TEX36: variants seen among roughly 807,000 people sequenced by gnomAD.
TEX36 encodes testis-expressed protein 36.
TEX36 carries 12 observed loss-of-function variants against 13.6 expected under a neutral mutation model. That is an observed-to-expected ratio of 0.88 (90% CI 0.56 to 1.43). The LOEUF (loss-of-function observed/expected upper bound fraction) is 1.43, where lower values mean the gene tolerates loss of function less well. TEX36 is among the 40% of genes most tolerant of loss of function. The pLI is 0.00. For missense variants in TEX36, 224 were observed against 228.3 expected (o/e 0.98, Z 0.12); for synonymous variants, 93 against 83.0 (o/e 1.12, Z -0.65).
intron 3 of TEX36, among the ~76,000 whole-genome samples, chr10:125,635,053 C>T (rs560636775): frequency 2.2e-3 from 340 of 152,300 alleles, no homozygotes; most frequent in African/African-American, 7.8e-3. Context: ...CCACACCAGA[C>T]GCATTGCCAA....
downstream of TEX36, among the ~76,000 whole-genome samples, chr10:125,652,037 G>A (rs1846867986): frequency 6.6e-6 from 1 of 152,178 alleles, no homozygotes; most frequent in Admixed American, 6.5e-5. Flanking sequence ...TGGATAGGAA[G>A]AATCAATATT....
At chr10:125,642,493 C>T (rs574673658) in intron 3 of TEX36, among the ~76,000 whole-genome samples, 11 of 152,106 alleles carry the variant, frequency 7.2e-5, no homozygotes, top group East Asian at 1.9e-4. Context: ...ATTTAAGATG[C>T]GTGAAACATC....
chr10:125,643,873 C>T (rs1846726679), intron 3 of TEX36, among the ~76,000 whole-genome samples: 1 of 152,114 alleles, frequency 6.6e-6, no homozygotes, highest in Non-Finnish European at 1.5e-5. Context: ...GATGGTGCCA[C>T]CGCACTCCAG....
intron 3 of TEX36, among the ~76,000 whole-genome samples, chr10:125,608,965 C>A (rs1329638543): frequency 7.4e-6 from 1 of 135,564 alleles, no homozygotes; most frequent in African/African-American, 2.9e-5. Flanking sequence ...TGAAACCCCA[C>A]CTCTACTAAA....
chr10:125,646,670 T>C lies in TEX36; in HGVS notation c.264+14351A>G, dbSNP rs1027984092. Among the ~76,000 whole-genome samples, 36 of 152,138 alleles carry C rather than the reference T, an allele frequency of 2.4e-4. 1 individual carries two copies. The highest frequency in any genetic ancestry group is 8.2e-4 in the African/African-American group (34 of 41,426). On this transcript the variant is annotated intron_variant, in intron 3 of 3. Coordinates refer to the TEX36 transcript ENST00000526819. The stretch of plus-strand genomic sequence containing the variant: ...ACATTCAAAATGTCAAAGGACAGGA[T>C]GTGACTTGAAGAGCCTTAAAAAAGA...
In TEX36 at chr10:125,655,798, C is replaced by G. The variant is rs1410208491; in HGVS notation, c.*102G>C. The G allele has an allele frequency of 7.4e-7, 1 of 1,352,026 alleles. No homozygotes were observed. The highest frequency in any genetic ancestry group is 9.5e-7 in the Non-Finnish European group (1 of 1,048,966). 83.8% of individuals were successfully genotyped at this position (1,352,026 alleles called of 1,614,324 possible). On this transcript the variant is annotated 3_prime_UTR_variant, in exon 4 of 4. Transcript: ENST00000368821. ...TGACCTTATAAAAATCATAAAAGTA[C>G]TTTAAAAATTAAATAGTGGTGCTGG... is the stretch of plus-strand genomic sequence containing the variant.
intron 3 of TEX36, among the ~76,000 whole-genome samples, chr10:125,607,305 T>C (rs989807586): frequency 5.9e-5 from 9 of 152,230 alleles, no homozygotes; most frequent in Non-Finnish European, 1.2e-4. Flanking sequence ...TGCCCCCAGG[T>C]TGAATCCTGG....
At chr10:125,635,470 A>T (rs1846611565) in intron 3 of TEX36, among the ~76,000 whole-genome samples, 1 of 152,236 alleles carries the variant, frequency 6.6e-6, no homozygotes. Context: ...TTCAACCAGT[A>T]GACCAAGACC....
At chr10:125,626,975 G>A (rs908447904) in intron 3 of TEX36, among the ~76,000 whole-genome samples, 4 of 152,120 alleles carry the variant, frequency 2.6e-5, no homozygotes, top group South Asian at 2.1e-4. Context: ...GGGAGTTTCC[G>A]GAGGGGGCTG....
At chr10:125,619,732 C>T (rs1055421668), downstream of TEX36, among the ~76,000 whole-genome samples, 1 of 151,526 alleles carries the variant, frequency 6.6e-6, no homozygotes, top group African/African-American at 2.4e-5. Flanking sequence ...AATTTTTGTA[C>T]TTTTAGTAGA....
At chr10:125,613,399 T>C (rs1846315637) in intron 3 of TEX36, among the ~76,000 whole-genome samples, 2 of 149,624 alleles carry the variant, frequency 1.3e-5, no homozygotes, top group South Asian at 4.3e-4. Flanking sequence ...CATCTAGCAT[T>C]AGGTATATCT....
intron 3 of TEX36, among the ~76,000 whole-genome samples, chr10:125,583,664 A>G (rs750592128): frequency 1.3e-5 from 2 of 152,230 alleles, no homozygotes; most frequent in Admixed American, 6.5e-5. Context: ...GGTTAAAAAT[A>G]TCAGCTGTAG....
At chr10:125,639,923 C>T (rs1389497055) in intron 3 of TEX36, among the ~76,000 whole-genome samples, 2 of 152,280 alleles carry the variant, frequency 1.3e-5, no homozygotes, top group East Asian at 3.9e-4. Context: ...TGGCCGATAC[C>T]AGTCATGGCA....
At chr10:125,616,301 T>C (rs1328168256) in intron 3 of TEX36, among the ~76,000 whole-genome samples, 4 of 151,396 alleles carry the variant, frequency 2.6e-5, no homozygotes, top group Non-Finnish European at 5.9e-5. Context: ...CTGCTCTGAT[T>C]TTAGTTATTT....
intron 3 of TEX36, among the ~76,000 whole-genome samples, chr10:125,641,587 G>T (rs1465638110): frequency 6.6e-6 from 1 of 152,196 alleles, no homozygotes; most frequent in Non-Finnish European, 1.5e-5. Context: ...TCATCTCTCA[G>T]ATGGCACAAG....
rs184831551 is a variant in TEX36, at chr10:125,656,167, A to T, written c.294T>A (p.Asp98Glu). The change falls in exon 4 of 4, where the codon GAT (aspartate) becomes GAA (glutamate). Residue 98 changes from aspartate to glutamate, a missense_variant. Asp to Glu is a conservative substitution (Grantham distance 45, BLOSUM62 2). Coordinates refer to ENST00000368821, the MANE Select transcript of TEX36 (RefSeq NM_001128202.3). The stretch of plus-strand genomic sequence containing the variant: ...AATTTCTTGAAACATGTTGCCTCTT[A>T]TCTGGAGAGATCTTCTTACGTCCCA... ...SGLGRKKISP[D>E]KRQHVSRNFN... is the part of the protein sequence containing the mutation. The T allele has an allele frequency of 3.9e-6, 6 of 1,523,646 alleles. No homozygotes were observed. The African/African-American group carries it at 8.3e-5, about 21-fold the overall frequency. 94.4% of individuals were successfully genotyped at this position (1,523,646 alleles called of 1,614,324 possible).
chr10:125,621,606 A>G (rs181421727), downstream of TEX36: 333 of 456,058 alleles, frequency 7.3e-4, no homozygotes, highest in African/African-American at 5.7e-3. Flanking sequence ...ATTGACTCAC[A>G]TGATCACAAA....
At position 125,667,069 on chromosome 10, in the gene TEX36, G is replaced by A. The variant is rs1275735409; in HGVS notation, c.52-5092C>T. The A allele has an allele frequency of 3.8e-6, 5 of 1,308,260 alleles. No individual in the cohort carries two copies. The South Asian group carries it at 4.7e-5, about 12-fold the overall frequency. The allele number at this position is 1,308,260 out of a possible 1,614,324, so 81.0% of individuals were successfully genotyped here. A position where few individuals can be genotyped will look rare whatever the true frequency, so the allele number is the denominator to read the frequency against. On this transcript the variant is annotated intron_variant, in intron 1 of 3. Transcript: ENST00000368821. Reference sequence around the variant, plus strand: ...CCTGCAGGGCTCGGCCATAGGAGAAGGTCACAGGGAGCACTTGTTAATGGC... The same window carrying A: ...CCTGCAGGGCTCGGCCATAGGAGAAAGTCACAGGGAGCACTTGTTAATGGC...
downstream of TEX36, among the ~76,000 whole-genome samples, chr10:125,651,398 CA>C (rs769226025): frequency 2.6e-5 from 4 of 152,184 alleles, no homozygotes; most frequent in Non-Finnish European, 5.9e-5. Flanking sequence ...ACAAAAACCA[CA>C]TGATTATCTC....
Sources: gnomAD v4.1 joint callset for allele counts (sites outside exome capture counted in the v4.1 genomes callset) on GRCh38, gnomAD v4.1.1 for gene constraint, MANE v1.5 for transcripts, NCBI Gene and HGNC (gene_info 2026-07-23, HGNC 2026-07-21) for gene names.